TTI2: variants seen among roughly 807,000 people sequenced by gnomAD.
The protein encoded by TTI2 is TELO2-interacting protein 2.
Under a neutral mutation model 44.9 loss-of-function variants are expected in TTI2, and 26 were observed. The observed-to-expected ratio is 0.58, with a 90% CI of 0.42 to 0.80. TTI2 has a LOEUF of 0.80. TTI2 is among the 30% of genes least tolerant of loss of function. The pLI, the probability that TTI2 is intolerant of heterozygous loss-of-function variation, is 0.00. For synonymous variants in TTI2, 254 were observed against 250.9 expected (o/e 1.01, Z -0.12); for missense variants, 582 against 611.6 (o/e 0.95, Z 0.51).
At position 33,512,743 on chromosome 8, in the gene TTI2, G is replaced by A. The variant is rs34226219; in HGVS notation, c.-99-31C>T. 408,182 of 1,085,294 alleles carry A rather than the reference G, an allele frequency of 0.38. 82,720 individuals carry two copies. The highest frequency in any genetic ancestry group is 0.42 in the Non-Finnish European group (320,001 of 769,278). 67.2% of individuals were successfully genotyped at this position (1,085,294 alleles called of 1,614,324 possible). ...ATCAAATAAAATAAAACAGAGAGAT[G>A]TCTTGGAGGAGGGGGCGAGTCTGAC... On this transcript the variant is annotated intron_variant, in intron 1 of 7. Transcript: ENST00000431156.
intron 6 of TTI2, 85 bp from the exon 7 acceptor site, chr8:33,500,575 G>C: frequency 1.3e-6 from 2 of 1,509,268 alleles, no homozygotes; most frequent in Non-Finnish European, 1.8e-6. Flanking sequence ...CAAGTGGAAA[G>C]CTATCATTTC....
chr8:33,505,622 T>G (rs1424845370), intron 4 of TTI2, among the ~76,000 whole-genome samples: 1 of 152,046 alleles, frequency 6.6e-6, no homozygotes, highest in Non-Finnish European at 1.5e-5. Context: ...CCTGAGTAGC[T>G]GGGATTAGAG....
At chr8:33,509,455 C>CAAAAAAAAAAA (rs767485555) in intron 3 of TTI2, among the ~76,000 whole-genome samples, 1 of 69,584 alleles carries the variant, frequency 1.4e-5, no homozygotes, top group Admixed American at 1.8e-4. Context: ...GACTCCCTCT[C>CAAAAAAAAAAA]AAAAAAAAAA....
In TTI2 at chr8:33,503,809, G is replaced by T. The variant is rs372676440; in HGVS notation, c.1054C>A (p.Pro352Thr). Reference sequence around the variant, plus strand: ...CTGCGTAAAAGAAGGCGGTGCTCTGGCTCCATGTGGGTCAGGATCAGCCGC... The same window carrying T: ...CTGCGTAAAAGAAGGCGGTGCTCTGTCTCCATGTGGGTCAGGATCAGCCGC... The part of the protein sequence containing the change: ...VLRLILTHME[P>T]EHRLLLRRTY... The change falls in exon 5 of 8, where the codon CCA becomes ACA. Residue 352 changes from proline (P) to threonine (T), a missense_variant. By Grantham distance (38) the Pro-to-Thr change is conservative (BLOSUM62 -1). Transcript: ENST00000431156. The T allele has an allele frequency of 6.2e-7, 1 of 1,613,986 alleles. No homozygotes were observed. Among genetic ancestry groups the T allele is most frequent in the African/African-American group, 1.3e-5 (1 of 74,924 alleles).
chr8:33,507,668 C>G (rs775040324), intron 3 of TTI2, among the ~76,000 whole-genome samples: 3 of 151,830 alleles, frequency 2.0e-5, no homozygotes, highest in Non-Finnish European at 2.9e-5. Context: ...ATCCCCCCAC[C>G]ACCTACAACC....
chr8:33,500,509 G>T lies in TTI2; in HGVS notation c.1260-19C>A, dbSNP rs770257831. 1.2e-6 allele frequency: 2 copies of T among 1,613,392 alleles called. No individual in the cohort carries two copies. Among genetic ancestry groups the T allele is most frequent in the South Asian group, 1.1e-5 (1 of 91,066 alleles). On this transcript the variant is annotated intron_variant, in intron 6 of 7. Transcript: ENST00000431156. ...GGAAACTCTGGAATCAGGAAGAAAAGCTATGTTCATACTCTAAATCTGGAT... is the reference window on the plus strand; with the variant it reads ...GGAAACTCTGGAATCAGGAAGAAAATCTATGTTCATACTCTAAATCTGGAT...
intron 4 of TTI2, among the ~76,000 whole-genome samples, chr8:33,506,463 C>T (rs1474608297): frequency 6.9e-6 from 1 of 145,878 alleles, no homozygotes; most frequent in Non-Finnish European, 1.5e-5. Context: ...ATGATCTCGG[C>T]TCACTGCAAC....
At chr8:33,503,620 G>C (rs772220699) in intron 5 of TTI2, 48 bp from the exon 6 acceptor site, 1 of 1,610,850 alleles carries the variant, frequency 6.2e-7, no homozygotes, top group Admixed American at 1.7e-5. Flanking sequence ...GCTCATGCCT[G>C]TAATCCCAGT....
intron 3 of TTI2, 119 bp from the exon 4 acceptor site, chr8:33,507,440 C>T: frequency 1.2e-6 from 1 of 834,724 alleles, no homozygotes. Context: ...CCAAAATATG[C>T]ATGATTGTTT....
At chr8:33,511,919 T>C in intron 2 of TTI2, 48 bp downstream of exon 2, 32 of 1,585,012 alleles carry the variant, frequency 2.0e-5, no homozygotes, top group Non-Finnish European at 2.8e-5. Flanking sequence ...AAAATAAAAA[T>C]AAAAAACTGT....
Position 33,506,388 on chromosome 8 carries a change from A to AC in TTI2, c.927+840dup, listed in dbSNP as rs1229160824. Among the ~76,000 whole-genome samples the AC allele has an allele frequency of 2.3e-3, 286 of 123,168 alleles. 1 individual carries two copies. Among genetic ancestry groups the AC allele is most frequent in the African/African-American group, 7.7e-3 (251 of 32,654 alleles). 80.8% of individuals were successfully genotyped at this position (123,168 alleles called of 152,430 possible). ...CATAAAGCTGCCTCCAAAGTAACGT[A>AC]CTTTTTTTTTTTTTTTTTTTTGAGA... On this transcript the variant is annotated intron_variant, in intron 4 of 7. Coordinates refer to ENST00000431156, the MANE Select transcript of TTI2 (RefSeq NM_001102401.4).
At chr8:33,505,730 C>T (rs1482201642) in intron 4 of TTI2, among the ~76,000 whole-genome samples, 3 of 151,534 alleles carry the variant, frequency 2.0e-5, no homozygotes, top group South Asian at 2.1e-4. Context: ...CTTGGCTCAC[C>T]GCAACCTCCG....
At position 33,499,010 on chromosome 8, in the gene TTI2, C is replaced by T; in HGVS notation, c.*163G>A. The T allele has an allele frequency of 1.6e-6, 1 of 641,948 alleles. No homozygotes were observed. The highest frequency in any genetic ancestry group is 2.7e-6 in the Non-Finnish European group (1 of 372,346). 39.8% of individuals were successfully genotyped at this position (641,948 alleles called of 1,614,324 possible). ...GGAAGGAGTTCAATTTTTTCTTGTT[C>T]TACTTTCCCTATTCTTATGGAGGTA... On this transcript the variant is annotated 3_prime_UTR_variant, in exon 8 of 8. Coordinates refer to ENST00000431156, the MANE Select transcript of TTI2 (RefSeq NM_001102401.4).
intron 3 of TTI2, among the ~76,000 whole-genome samples, chr8:33,507,524 T>C (rs1184643217): frequency 6.6e-6 from 1 of 152,134 alleles, no homozygotes; most frequent in East Asian, 1.9e-4. Context: ...ATGCAGCAAG[T>C]GATAAAAGAT....
At chr8:33,503,639 A>T (rs1050804478) in intron 5 of TTI2, 67 bp from the exon 6 acceptor site, 3 of 1,609,372 alleles carry the variant, frequency 1.9e-6, no homozygotes, top group African/African-American at 2.7e-5. Flanking sequence ...GTACTTTGGG[A>T]GGCTGAGGTG....
intron 6 of TTI2, among the ~76,000 whole-genome samples, chr8:33,503,001 C>G (rs189251821): frequency 6.6e-6 from 1 of 151,368 alleles, no homozygotes; most frequent in African/African-American, 2.4e-5. Context: ...TGGCGGTGGG[C>G]GCCTGTAATC....
chr8:33,498,945 T>G lies in TTI2; in HGVS notation c.*228A>C. On this transcript the variant is annotated 3_prime_UTR_variant, in exon 8 of 8. Coordinates refer to ENST00000431156, the MANE Select transcript of TTI2 (RefSeq NM_001102401.4). ...TATTTCTAAATTTTAAATGCTACATTACTTGGTGTCCTTTTTTCTCCCAAA... is the reference window on the plus strand; with the variant it reads ...TATTTCTAAATTTTAAATGCTACATGACTTGGTGTCCTTTTTTCTCCCAAA... 3.4e-6 allele frequency: 2 copies of G among 589,374 alleles called. No individual in the cohort carries two copies. The highest frequency in any genetic ancestry group is 6.0e-6 in the Non-Finnish European group (2 of 334,702). The allele number at this position is 589,374 out of a possible 1,614,324, so 36.5% of individuals were successfully genotyped here.
At chr8:33,508,755 T>G (rs1234536701) in intron 3 of TTI2, among the ~76,000 whole-genome samples, 7 of 152,002 alleles carry the variant, frequency 4.6e-5, no homozygotes, top group Non-Finnish European at 2.9e-5. Context: ...AGTACAAAGT[T>G]TTTTTAAAAA....
rs538571368 is a variant in TTI2 at position 33,511,065 on chromosome 8, C to T, written c.647+902G>A. On this transcript the variant is annotated intron_variant, in intron 2 of 7. Coordinates refer to ENST00000431156, the MANE Select transcript of TTI2 (RefSeq NM_001102401.4). ...TAGTAATTTGTAATTTTTTTTGAGA[C>T]GATGTCTTGCTCTGTTGCCCAGATT... Among the ~76,000 whole-genome samples, 7 of 152,074 alleles carry T rather than the reference C, an allele frequency of 4.6e-5. No homozygotes were observed. The South Asian group carries it at 1.5e-3, about 32-fold the overall frequency.
Sources: gnomAD v4.1 joint callset for allele counts (sites outside exome capture counted in the v4.1 genomes callset) on GRCh38, gnomAD v4.1.1 for gene constraint, MANE v1.5 for transcripts, NCBI Gene and HGNC (gene_info 2026-07-23, HGNC 2026-07-21) for gene names.